Variants in TDRD12 observed in about 807,000 individuals in gnomAD.
The protein encoded by TDRD12 is putative ATP-dependent RNA helicase TDRD12.
TDRD12 carries 158 observed loss-of-function variants against 133.5 expected under a neutral mutation model. That is an observed-to-expected ratio of 1.18 (90% confidence interval 1.04 to 1.35). TDRD12 has a LOEUF of 1.35. Among genes scored for constraint, TDRD12 ranks in the 40% most tolerant of loss-of-function variants. The pLI is 0.00. For missense variants in TDRD12, 1,443 were observed against 1,321.3 expected (o/e 1.09, Z -1.43); for synonymous variants, 460 against 477.9 (o/e 0.96, Z 0.49).
chr19:32,723,014 A>C (rs1285281706), intron 1 of TDRD12, among the ~76,000 whole-genome samples: 1 of 152,008 alleles, frequency 6.6e-6, no homozygotes, highest in East Asian at 1.9e-4. Context: ...TTATAATTTT[A>C]TATTTTACAT....
In TDRD12 at chr19:32,795,767, G is replaced by A. The variant is rs774634374; in HGVS notation, c.1473+954G>A. On this transcript the variant is annotated intron_variant, in intron 14 of 27. Coordinates refer to ENST00000444215, the Ensembl canonical transcript of TDRD12. ...GGAAGCATGATGCTGGCATCTGCTCGGCTTCTGCGGAAGCCTCAGGAAACT... is the reference window on the plus strand; with the variant it reads ...GGAAGCATGATGCTGGCATCTGCTCAGCTTCTGCGGAAGCCTCAGGAAACT... 6.2e-4 allele frequency among the ~76,000 whole-genome samples: 94 copies of A among 152,160 alleles called. 2 individuals are homozygous for A. Among genetic ancestry groups the A allele is most frequent in the Non-Finnish European group, 4.1e-4 (28 of 68,024 alleles).
intron 8 of TDRD12, among the ~76,000 whole-genome samples, chr19:32,768,853 C>T (rs1163919721): frequency 2.0e-5 from 3 of 152,220 alleles, no homozygotes; most frequent in South Asian, 2.1e-4. Flanking sequence ...TTTGGCAATT[C>T]GTCTGTTCTC....
chr19:32,778,140 C>T (rs898605458), intron 11 of TDRD12, among the ~76,000 whole-genome samples: 3 of 151,872 alleles, frequency 2.0e-5, no homozygotes, highest in African/African-American at 7.3e-5. Flanking sequence ...CTGCTGTTTC[C>T]ACTGGTTGGC....
intron 25 of TDRD12, among the ~76,000 whole-genome samples, chr19:32,815,208 A>AC (rs1408595044): frequency 4.6e-5 from 7 of 151,486 alleles, no homozygotes; most frequent in Non-Finnish European, 7.4e-5. Flanking sequence ...TGCTCTTGCC[A>AC]CCCCCCCACC....
chr19:32,789,501 C>G (rs1971006182), intron 11 of TDRD12, among the ~76,000 whole-genome samples: 2 of 152,140 alleles, frequency 1.3e-5, no homozygotes, highest in African/African-American at 2.4e-5. Flanking sequence ...CAGGACATTT[C>G]ATATCGATGG....
chr19:32,822,760 T>C (rs1432519586), downstream of TDRD12, among the ~76,000 whole-genome samples: 1 of 114,084 alleles, frequency 8.8e-6, no homozygotes, highest in African/African-American at 3.5e-5. Context: ...AAAAAAAAGA[T>C]AAATGGGACA....
At chr19:32,794,019 C>A (rs1205398996) in intron 13 of TDRD12, among the ~76,000 whole-genome samples, 1 of 150,042 alleles carries the variant, frequency 6.7e-6, no homozygotes, top group East Asian at 2.0e-4. Flanking sequence ...GTCTTGAACT[C>A]CCGACCTCAG....
At chr19:32,803,055 A>G in exon 21 of TDRD12, 1 of 1,536,094 alleles carries the variant, frequency 6.5e-7, no homozygotes, top group African/African-American at 1.4e-5. Flanking sequence ...GAGCTGTACG[A>G]GTTCACCGCA....
chr19:32,786,826 G>C (rs1043801594), intron 11 of TDRD12, among the ~76,000 whole-genome samples: 1 of 152,088 alleles, frequency 6.6e-6, no homozygotes, highest in African/African-American at 2.4e-5. Context: ...CCATTCATCT[G>C]ACCTTTTTTC....
intron 21 of TDRD12, among the ~76,000 whole-genome samples, chr19:32,804,911 G>T (rs1971500297): frequency 6.6e-6 from 1 of 151,412 alleles, no homozygotes; most frequent in African/African-American, 2.4e-5. Context: ...AAAAAAAGTT[G>T]TCTATTTCAA....
rs139968843 is a variant in TDRD12, at chr19:32,749,029, G to A, written c.496+498G>A. Among the ~76,000 whole-genome samples, 427 of 152,230 alleles carry A rather than the reference G, an allele frequency of 2.8e-3. 2 individuals carry two copies. Among genetic ancestry groups the A allele is most frequent in the African/African-American group, 1.0e-2 (415 of 41,544 alleles). ...TTTGTGGGATCTGTCTTAACCTCTG[G>A]CAGTCAGATACCTGGTTTTAGTGAT... On this transcript the variant is annotated intron_variant, in intron 5 of 27. Transcript: ENST00000444215.
At chr19:32,784,433 A>G (rs1970850178) in intron 11 of TDRD12, among the ~76,000 whole-genome samples, 1 of 152,116 alleles carries the variant, frequency 6.6e-6, no homozygotes, top group African/African-American at 2.4e-5. Flanking sequence ...TTCATCAGGG[A>G]AATTGGCCTA....
At chr19:32,771,439 CATG>C (rs955856605) in intron 8 of TDRD12, among the ~76,000 whole-genome samples, 29 of 152,310 alleles carry the variant, frequency 1.9e-4, no homozygotes, top group African/African-American at 7.0e-4. Context: ...GGTTTACAGG[CATG>C]CTGTTGCACT....
intron 2 of TDRD12, 123 bp downstream of exon 2, chr19:32,732,006 T>C: frequency 9.8e-7 from 1 of 1,020,322 alleles, no homozygotes; most frequent in Non-Finnish European, 1.4e-6. Context: ...CAGTGCCTTG[T>C]GTTAGGTTTT....
At chr19:32,780,516 C>T (rs902654487) in intron 11 of TDRD12, among the ~76,000 whole-genome samples, 2 of 152,192 alleles carry the variant, frequency 1.3e-5, no homozygotes, top group African/African-American at 4.8e-5. Flanking sequence ...CTTCCAGACC[C>T]GAGCCCTCTG....
intron 13 of TDRD12, among the ~76,000 whole-genome samples, chr19:32,794,242 A>C (rs1465560162): frequency 6.6e-6 from 1 of 151,192 alleles, no homozygotes. Context: ...AGTAGCTGGG[A>C]TTATAGGCAT....
chr19:32,764,070 A>G (rs1970225268), intron 8 of TDRD12, among the ~76,000 whole-genome samples: 1 of 144,126 alleles, frequency 6.9e-6, no homozygotes, highest in African/African-American at 2.6e-5. Context: ...TGGAGATTCT[A>G]ATTGCTTTTC....
At chr19:32,781,158 T>C (rs1245713697) in intron 11 of TDRD12, among the ~76,000 whole-genome samples, 4 of 152,112 alleles carry the variant, frequency 2.6e-5, no homozygotes, top group Non-Finnish European at 5.9e-5. Flanking sequence ...TTAGCCAGGA[T>C]GGTCTCTATC....
rs563721383 is a variant in TDRD12, at chr19:32,790,231, G to A, written c.1122-300G>A. Among the ~76,000 whole-genome samples the A allele has an allele frequency of 2.6e-5, 4 of 152,282 alleles. No homozygotes were observed. In the East Asian group the frequency reaches 7.7e-4, roughly 29 times the overall value. ...TCTCAGCAGAGGTGACTGTGGACAA[G>A]TCCTATCTGGTCTTGTTTTCTCATC... is the stretch of plus-strand genomic sequence containing the variant. On this transcript the variant is annotated intron_variant, in intron 11 of 27. Transcript: ENST00000444215.
Sources: allele counts gnomAD v4.1 joint callset (sites outside exome capture counted in the v4.1 genomes callset), GRCh38; gene constraint gnomAD v4.1.1; transcripts MANE v1.5; gene names NCBI Gene and HGNC (gene_info 2026-07-23, HGNC 2026-07-21).